The following WDR20 variants were observed in gnomAD, a reference collection of about 807,000 sequenced individuals.
WDR20 encodes the protein WD repeat-containing protein 20.
Under a neutral mutation model 38.7 loss-of-function variants are expected in WDR20, and 3 were observed. The ratio of observed to expected loss-of-function variants is 0.08; its 90% CI spans 0.04 to 0.20. The LOEUF (loss-of-function observed/expected upper bound fraction) is 0.20, where lower values mean the gene tolerates loss of function less well. WDR20 is among the 10% of genes least tolerant of loss of function. WDR20 has a pLI of 1.00. For missense variants in WDR20, 559 were observed against 727.7 expected (o/e 0.77, Z 2.67); for synonymous variants, 298 against 285.6 (o/e 1.04, Z -0.44).
At chr14:102,139,463 C>T (rs1304309646), upstream of WDR20, 3 of 1,468,616 alleles carry the variant, frequency 2.0e-6, no homozygotes, top group Non-Finnish European at 2.7e-6. Context: ...GTCGGGGTGG[C>T]GCTCTTCCTC....
downstream of WDR20, among the ~76,000 whole-genome samples, chr14:102,210,781 C>T (rs1352379294): frequency 1.3e-5 from 2 of 152,234 alleles, no homozygotes; most frequent in East Asian, 1.9e-4. Context: ...CAGAAAGGCA[C>T]GTGACTCCTC....
intron 1 of WDR20, among the ~76,000 whole-genome samples, chr14:102,191,960 ACT>A (rs1171073518): frequency 6.6e-6 from 1 of 152,044 alleles, no homozygotes; most frequent in Non-Finnish European, 1.5e-5. Flanking sequence ...CAGAATATAA[ACT>A]CTAACTTTTT....
downstream of WDR20, among the ~76,000 whole-genome samples, chr14:102,211,275 G>A (rs933487810): frequency 6.6e-6 from 1 of 152,280 alleles, no homozygotes; most frequent in East Asian, 1.9e-4. This position sits in a 1 kb window ranked among gnomAD's most constrained non-coding sequence, Gnocchi z 4.2. Flanking sequence ...ACCAGTTTGC[G>A]TAGTGAATAT....
intron 1 of WDR20, among the ~76,000 whole-genome samples, chr14:102,160,404 C>T (rs189301918): frequency 4.6e-4 from 70 of 152,178 alleles, no homozygotes; most frequent in Non-Finnish European, 8.7e-4. Flanking sequence ...TTGTTTTTGA[C>T]TTATTCTTTT....
intron 1 of WDR20, among the ~76,000 whole-genome samples, chr14:102,173,746 C>T (rs1412544380): frequency 6.6e-6 from 1 of 151,720 alleles, no homozygotes; most frequent in Non-Finnish European, 1.5e-5. Context: ...TCCTGAGTTA[C>T]TTCACTTAGA....
chr14:102,142,774 C>CTTTTTTTTTT (rs71116885), intron 1 of WDR20, among the ~76,000 whole-genome samples: 11 of 84,982 alleles, frequency 1.3e-4, no homozygotes, highest in East Asian at 3.7e-4. Flanking sequence ...GCTGTTTTGA[C>CTTTTTTTTTT]TTTTTTTTTT....
At chr14:102,146,220 G>A (rs2053593971) in intron 1 of WDR20, among the ~76,000 whole-genome samples, 2 of 152,224 alleles carry the variant, frequency 1.3e-5, no homozygotes, top group South Asian at 4.1e-4. Flanking sequence ...CTGGAGTGCA[G>A]TGGCTTGATC....
At chr14:102,159,628 G>C (rs572543560) in intron 1 of WDR20, among the ~76,000 whole-genome samples, 1 of 152,176 alleles carries the variant, frequency 6.6e-6, no homozygotes, top group Non-Finnish European at 1.5e-5. Context: ...TATCTCAGGA[G>C]TTCCAGACCA....
At chr14:102,162,531 A>T (rs550687457) in intron 1 of WDR20, among the ~76,000 whole-genome samples, 5 of 152,284 alleles carry the variant, frequency 3.3e-5, no homozygotes, top group African/African-American at 9.6e-5. Flanking sequence ...TAGTCCTCCA[A>T]CAAGGACTCA....
At chr14:102,156,610 G>A (rs1414231812) in intron 1 of WDR20, among the ~76,000 whole-genome samples, 1 of 151,804 alleles carries the variant, frequency 6.6e-6, no homozygotes. Flanking sequence ...CTGGGCTCAA[G>A]TGACCCTTCT....
intron 2 of WDR20, 109 bp downstream of exon 2, chr14:102,195,229 C>A: frequency 8.2e-7 from 1 of 1,223,354 alleles, no homozygotes; most frequent in South Asian, 1.5e-5. Flanking sequence ...ATTTTTTATT[C>A]GCCCAGCCCT....
rs560568460 is a variant in WDR20, at chr14:102,177,733, C to T, written c.250-17205C>T. 1.1e-4 allele frequency among the ~76,000 whole-genome samples: 16 copies of T among 152,228 alleles called. No individual in the cohort carries two copies. The East Asian group carries it at 3.1e-3, about 29-fold the overall frequency. On this transcript the variant is annotated intron_variant, in intron 1 of 2. Coordinates refer to ENST00000342702, the MANE Select transcript of WDR20 (RefSeq NM_144574.4). The stretch of plus-strand genomic sequence containing the variant: ...GTGGTCTGGAAAGTCTTCAGGCTTC[C>T]GCAGTTATCTATTCATGCCTCCTCA...
At chr14:102,161,316 A>ATT (rs760892097) in intron 1 of WDR20, among the ~76,000 whole-genome samples, 3 of 132,598 alleles carry the variant, frequency 2.3e-5, no homozygotes, top group Non-Finnish European at 4.9e-5. Context: ...ATGCTCAGCT[A>ATT]TTTTTTTTTT....
At chr14:102,142,921 C>T (rs2051984069) in intron 1 of WDR20, among the ~76,000 whole-genome samples, 1 of 151,356 alleles carries the variant, frequency 6.6e-6, no homozygotes, top group Non-Finnish European at 1.5e-5. Context: ...TTTTAAAGAA[C>T]TTAACTCATT....
chr14:102,175,224 G>A (rs572256033), intron 1 of WDR20, among the ~76,000 whole-genome samples: 7 of 152,276 alleles, frequency 4.6e-5, no homozygotes, highest in East Asian at 1.9e-4. Flanking sequence ...GTTGATTTTT[G>A]TATAAGGTGA....
At chr14:102,147,680 C>G (rs1407157438) in intron 1 of WDR20, among the ~76,000 whole-genome samples, 4 of 146,174 alleles carry the variant, frequency 2.7e-5, no homozygotes, top group African/African-American at 1.1e-4. Context: ...TGGATTTTGT[C>G]ACTGAGTGGT....
At chr14:102,214,874 GTTTT>G, downstream of WDR20, 1 of 760,230 alleles carries the variant, frequency 1.3e-6, no homozygotes, top group Non-Finnish European at 1.6e-6. Context: ...TCACTGCTTT[GTTTT>G]TTTTTTTAGC....
At chr14:102,173,901 G>T (rs2152839551) in intron 1 of WDR20, among the ~76,000 whole-genome samples, 1 of 152,092 alleles carries the variant, frequency 6.6e-6, no homozygotes, top group South Asian at 2.1e-4. Context: ...AAAATTAGCT[G>T]GGCGTGGTGG....
At chr14:102,218,836 A>G (rs533312055), downstream of WDR20, among the ~76,000 whole-genome samples, 121 of 152,320 alleles carry the variant, frequency 7.9e-4, no homozygotes, top group South Asian at 2.3e-3. Context: ...AAAGCCTGGA[A>G]TTGCCAGCTG....
Sources: gnomAD v4.1 joint callset for allele counts (sites outside exome capture counted in the v4.1 genomes callset) on GRCh38, gnomAD v4.1.1 for gene constraint, Gnocchi (gnomAD v3.1) non-coding constraint, MANE v1.5 for transcripts, NCBI Gene and HGNC (gene_info 2026-07-23, HGNC 2026-07-21) for gene names.